Variants in SGCD observed in about 807,000 individuals in gnomAD.
SGCD encodes sarcoglycan delta.
A neutral mutation model predicts 36.6 loss-of-function variants in SGCD; 18 were observed. That is an observed-to-expected ratio of 0.49 (90% CI 0.34 to 0.73). SGCD has a LOEUF of 0.73. Among genes scored for constraint, SGCD ranks in the 30% least tolerant of loss-of-function variants. The pLI is 0.01. For synonymous variants in SGCD, 133 were observed against 130.6 expected (o/e 1.02, Z -0.12); for missense variants, 387 against 346.7 (o/e 1.12, Z -0.92).
chr5:156,112,774 C>A (rs908689255), intron 1 of SGCD, among the ~76,000 whole-genome samples: 1 of 152,146 alleles, frequency 6.6e-6, no homozygotes, highest in Non-Finnish European at 1.5e-5. Context: ...ATTCATCATC[C>A]ATGCCTTGAT....
chr5:155,913,103 T>G (rs551076328), intron 1 of SGCD, among the ~76,000 whole-genome samples: 54 of 152,302 alleles, frequency 3.5e-4, no homozygotes, highest in African/African-American at 1.2e-3. Flanking sequence ...CTGACAGTCT[T>G]TCCTACTCTT....
chr5:156,469,319 C>T (rs1754854941), intron 3 of SGCD, among the ~76,000 whole-genome samples: 1 of 152,146 alleles, frequency 6.6e-6, no homozygotes, highest in South Asian at 2.1e-4. Context: ...ATTAAACAGT[C>T]CAAAAGCGTA....
At chr5:155,951,776 T>C (rs988036946) in intron 1 of SGCD, among the ~76,000 whole-genome samples, 1 of 152,184 alleles carries the variant, frequency 6.6e-6, no homozygotes, top group African/African-American at 2.4e-5. Flanking sequence ...ACATTTGGGT[T>C]AGGGTCTGAC....
intron 7 of SGCD, among the ~76,000 whole-genome samples, chr5:156,669,174 AGAC>A (rs1159279374): frequency 1.3e-5 from 2 of 152,174 alleles, no homozygotes; most frequent in Non-Finnish European, 2.9e-5. Flanking sequence ...AGGCATACCC[AGAC>A]CTCATGGTCT....
At chr5:156,367,192 A>G (rs1770149450) in intron 3 of SGCD, among the ~76,000 whole-genome samples, 1 of 152,270 alleles carries the variant, frequency 6.6e-6, no homozygotes, top group African/African-American at 2.4e-5. Flanking sequence ...TAAGATGTTT[A>G]TCTAAAATTC....
intron 1 of SGCD, among the ~76,000 whole-genome samples, chr5:155,915,182 C>T (rs1049400205): frequency 6.6e-6 from 1 of 152,114 alleles, no homozygotes; most frequent in Non-Finnish European, 1.5e-5. Context: ...ATTGTCACCC[C>T]TACAAGGACA....
rs184522351 is a variant in SGCD at position 156,572,390 on chromosome 5, C to G, written c.295-16841C>G. Among the ~76,000 whole-genome samples, 28 of 152,270 alleles carry G rather than the reference C, an allele frequency of 1.8e-4. No individual in the cohort carries two copies. The East Asian group carries it at 5.4e-3, about 29-fold the overall frequency. The stretch of plus-strand genomic sequence containing the variant: ...GCAGTGTATGAGGGTTCCAGTTTCT[C>G]TACATTCTTGCCAATATATGTTATT... On this transcript the variant is annotated intron_variant, in intron 4 of 8. Transcript: ENST00000337851.
intron 4 of SGCD, among the ~76,000 whole-genome samples, chr5:156,582,814 TGCAC>T (rs2113343800): frequency 6.6e-6 from 1 of 151,174 alleles, no homozygotes; most frequent in East Asian, 1.9e-4. Context: ...TGCACGCATG[TGCAC>T]GCGCACACAC....
rs972482483 is a variant in SGCD, at chr5:156,625,690, T to C, written c.503-21774T>C. On this transcript the variant is annotated intron_variant, in intron 6 of 8. Transcript: ENST00000337851. Reference sequence around the variant, plus strand: ...GAGGCTCCCTGTCCTAATGTCCTAATGTAAGTGCTTACTTAGTGAGCACCT... The same window carrying C: ...GAGGCTCCCTGTCCTAATGTCCTAACGTAAGTGCTTACTTAGTGAGCACCT... 3.3e-5 allele frequency among the ~76,000 whole-genome samples: 5 copies of C among 152,220 alleles called. No homozygotes were observed. The East Asian group carries it at 7.7e-4, about 23-fold the overall frequency.
At chr5:156,295,170 A>C (rs952573166) in intron 3 of SGCD, among the ~76,000 whole-genome samples, 2 of 152,122 alleles carry the variant, frequency 1.3e-5, no homozygotes, top group Non-Finnish European at 2.9e-5. Context: ...ATGTCTATTC[A>C]GATTTTCTAT....
intron 3 of SGCD, among the ~76,000 whole-genome samples, chr5:156,313,306 G>C (rs1767437733): frequency 6.6e-6 from 1 of 152,030 alleles, no homozygotes; most frequent in Admixed American, 6.6e-5. Flanking sequence ...AGATTTAAAA[G>C]AGAATTTTAA....
At chr5:155,844,953 A>C in the SGCD span, among the ~76,000 whole-genome samples, 2 of 152,240 alleles carry the variant, frequency 1.3e-5, no homozygotes, top group East Asian at 3.9e-4. Context: ...AGGTATACAC[A>C]TGCCATGGTG....
chr5:156,194,569 T>C (rs1763975504), intron 3 of SGCD, among the ~76,000 whole-genome samples: 1 of 152,100 alleles, frequency 6.6e-6, no homozygotes, highest in South Asian at 2.1e-4. Context: ...GTATTTTGCA[T>C]AGATAAGCTA....
In SGCD at chr5:156,369,404, T is replaced by G. The variant is rs181029740; in HGVS notation, c.192+24727T>G. ...TCCACTTAGAGTTCTCTGGTTAAAT[T>G]TCCTCATTTTTGAAACCAAAGTCTT... On this transcript the variant is annotated intron_variant, in intron 3 of 8. Transcript: ENST00000337851. Among the ~76,000 whole-genome samples, 1,065 of 152,292 alleles carry G rather than the reference T, an allele frequency of 7.0e-3. 6 individuals are homozygous for G. Among genetic ancestry groups the G allele is most frequent in the Non-Finnish European group, 0.011 (732 of 68,024 alleles).
At chr5:155,882,721 A>T (rs1755915250) in intron 1 of SGCD, among the ~76,000 whole-genome samples, 1 of 152,156 alleles carries the variant, frequency 6.6e-6, no homozygotes, top group Non-Finnish European at 1.5e-5. Flanking sequence ...GAAAACAGAT[A>T]TGCTATCATT....
chr5:156,744,302 C>T (rs1449206980), intron 7 of SGCD, among the ~76,000 whole-genome samples: 2 of 152,234 alleles, frequency 1.3e-5, no homozygotes, highest in Non-Finnish European at 2.9e-5. Context: ...CTGCCATACT[C>T]TTTTTGTGCT....
chr5:156,333,642 A>G (rs953613014), intron 2 of SGCD, among the ~76,000 whole-genome samples: 1 of 152,136 alleles, frequency 6.6e-6, no homozygotes, highest in Non-Finnish European at 1.5e-5. Context: ...CATTGGCTCA[A>G]CTGTAAAATA....
At chr5:156,094,563 A>G (rs1761330823) in intron 1 of SGCD, among the ~76,000 whole-genome samples, 3 of 152,218 alleles carry the variant, frequency 2.0e-5, no homozygotes, top group African/African-American at 7.2e-5. Flanking sequence ...TTCAGAAGCC[A>G]AAATTCATTA....
intron 6 of SGCD, among the ~76,000 whole-genome samples, chr5:156,618,123 T>C (rs1581264402): frequency 6.6e-6 from 1 of 152,338 alleles, no homozygotes; most frequent in South Asian, 2.1e-4. Context: ...TGAAGGATTA[T>C]ATTTTAGAGT....
Sources: gnomAD v4.1 joint callset for allele counts (sites outside exome capture counted in the v4.1 genomes callset) on GRCh38, gnomAD v4.1.1 for gene constraint, MANE v1.5 for transcripts, NCBI Gene and HGNC (gene_info 2026-07-23, HGNC 2026-07-21) for gene names.